The following DEPDC5 variants were observed in gnomAD, a reference collection of about 807,000 sequenced individuals.
DEPDC5 encodes GATOR1 complex protein DEPDC5.
Under a neutral mutation model 217.3 loss-of-function variants are expected in DEPDC5, and 73 were observed. The observed-to-expected ratio is 0.34, with a 90% CI of 0.28 to 0.41. DEPDC5 has a LOEUF of 0.41. DEPDC5 is among the 10% of genes least tolerant of loss of function. The pLI is 1.00. For missense variants in DEPDC5, 1,675 were observed against 2,070.1 expected (o/e 0.81, Z 3.70); for synonymous variants, 733 against 756.7 (o/e 0.97, Z 0.51).
Position 31,815,464 on chromosome 22 carries a change from G to A in DEPDC5, c.1666+252G>A, listed in dbSNP as rs11089530. ...ATGCAATCACAGCTCACCTCAGTGC[G>A]GCCTTGAACTCCTGGACTCAATCGA... On this transcript the variant is annotated intron_variant, in intron 21 of 42. Transcript: ENST00000651528. The A allele has an allele frequency of 0.1, 67,779 of 677,184 alleles. 3,793 individuals carry two copies. The highest frequency in any genetic ancestry group is 0.16 in the Admixed American group (6,437 of 40,612). 41.9% of individuals were successfully genotyped at this position (677,184 alleles called of 1,614,324 possible).
At chr22:31,872,610 A>C (rs1264025593) in intron 34 of DEPDC5, among the ~76,000 whole-genome samples, 1 of 152,234 alleles carries the variant, frequency 6.6e-6, no homozygotes, top group African/African-American at 2.4e-5. Flanking sequence ...GGGCAAACCC[A>C]GAGCAGTCCA....
intron 9 of DEPDC5, 88 bp from the exon 10 acceptor site, chr22:31,784,726 A>G: frequency 7.7e-7 from 1 of 1,291,174 alleles, no homozygotes; most frequent in African/African-American, 1.5e-5. Flanking sequence ...AGAAGAATTT[A>G]CTTAGAGAAG....
At position 31,906,317 on chromosome 22, in the gene DEPDC5, C is replaced by G; in HGVS notation, c.4632C>G (p.Val1544=). 1 of 1,613,972 alleles carries G rather than the reference C, an allele frequency of 6.2e-7. No individual in the cohort carries two copies. The highest frequency in any genetic ancestry group is 8.5e-7 in the Non-Finnish European group (1 of 1,179,930). The change falls in exon 43 of 43, where the codon GTC becomes GTG. Residue 1544 remains valine (V), a synonymous_variant. Coordinates refer to ENST00000651528, the MANE Select transcript of DEPDC5 (RefSeq NM_001242896.3). The surrounding 1 kb of genome is among the most constrained non-coding windows in gnomAD (Gnocchi z 5.1). The part of the protein sequence containing the change: ...TNQNMFCEER[V]GYNWAYNTML... ...AGAACATGTTCTGCGAGGAGCGGGTCGGCTACAACTGGGCCTACAACACCA... is the reference window on the plus strand; with the variant it reads ...AGAACATGTTCTGCGAGGAGCGGGTGGGCTACAACTGGGCCTACAACACCA...
chr22:31,860,499 CGAAAG>C (rs2092469776), intron 32 of DEPDC5, among the ~76,000 whole-genome samples: 1 of 152,034 alleles, frequency 6.6e-6, no homozygotes, highest in Non-Finnish European at 1.5e-5. Flanking sequence ...AAAAAGATTC[CGAAAG>C]GAAAGAGGGT....
intron 37 of DEPDC5, among the ~76,000 whole-genome samples, chr22:31,878,089 A>G (rs1223587888): frequency 6.6e-6 from 1 of 151,882 alleles, no homozygotes; most frequent in Non-Finnish European, 1.5e-5. Flanking sequence ...TGGGAGGCTG[A>G]GGCAGGAGAA....
intron 7 of DEPDC5, among the ~76,000 whole-genome samples, chr22:31,776,495 A>G (rs888418607): frequency 6.7e-6 from 1 of 150,010 alleles, no homozygotes; most frequent in Non-Finnish European, 1.5e-5. Flanking sequence ...CTCAGCTGGG[A>G]TTCTTGCCTA....
At chr22:31,795,065 ATTTTTT>A (rs983604458) in intron 12 of DEPDC5, among the ~76,000 whole-genome samples, 4 of 107,364 alleles carry the variant, frequency 3.7e-5, no homozygotes, top group Admixed American at 3.3e-4. Flanking sequence ...ATTCCATGTG[ATTTTTT>A]TTTTTTTTTT....
chr22:31,856,653 T>C (rs1407643040), intron 31 of DEPDC5, among the ~76,000 whole-genome samples: 1 of 152,182 alleles, frequency 6.6e-6, no homozygotes, highest in Admixed American at 6.5e-5. Context: ...TAATGTCTGT[T>C]AGTTTGGTTT....
intron 26 of DEPDC5, among the ~76,000 whole-genome samples, chr22:31,838,350 A>G (rs1448376584): frequency 1.3e-5 from 2 of 151,982 alleles, no homozygotes; most frequent in African/African-American, 4.8e-5. Flanking sequence ...CAGTGATGCA[A>G]TCTTGGCTCA....
intron 18 of DEPDC5, among the ~76,000 whole-genome samples, chr22:31,807,512 A>T (rs900904267): frequency 2.6e-5 from 4 of 152,158 alleles, no homozygotes; most frequent in Non-Finnish European, 5.9e-5. Flanking sequence ...GCTTACTGCA[A>T]CTTCTGCCTC....
chr22:31,877,212 G>C (rs2093017801), intron 37 of DEPDC5, among the ~76,000 whole-genome samples: 1 of 151,636 alleles, frequency 6.6e-6, no homozygotes, highest in Non-Finnish European at 1.5e-5. Context: ...GAAGCAGGTG[G>C]ATTGCCTGAG....
intron 9 of DEPDC5, chr22:31,784,410 C>T (rs1346574998): frequency 5.1e-6 from 1 of 194,398 alleles, no homozygotes; most frequent in East Asian, 1.5e-4. Flanking sequence ...GGGCGGATCA[C>T]CTGAGGTCAG....
chr22:31,799,112 T>G (rs978326170), intron 14 of DEPDC5, among the ~76,000 whole-genome samples: 1 of 151,730 alleles, frequency 6.6e-6, no homozygotes, highest in Non-Finnish European at 1.5e-5. Context: ...GATGCGATCT[T>G]GGCTCACTGA....
At chr22:31,898,284 C>T (rs1372127122) in intron 40 of DEPDC5, among the ~76,000 whole-genome samples, 2 of 152,132 alleles carry the variant, frequency 1.3e-5, no homozygotes, top group African/African-American at 4.8e-5. Flanking sequence ...GGACCTGCTG[C>T]TCTACCCCAG....
At chr22:31,874,152 G>A in intron 35 of DEPDC5, 121 bp from the exon 36 acceptor site, 1 of 1,398,644 alleles carries the variant, frequency 7.1e-7, no homozygotes, top group Non-Finnish European at 9.7e-7. Flanking sequence ...GAATAGCATA[G>A]GGACATTGCT....
chr22:31,845,294 C>T (rs574931078), intron 30 of DEPDC5, 57 bp downstream of exon 30: 1 of 1,559,722 alleles, frequency 6.4e-7, no homozygotes, highest in East Asian at 2.4e-5. Context: ...GGCCTGCCAC[C>T]TCCTCTATTA....
At chr22:31,778,245 A>C in intron 8 of DEPDC5, 77 bp downstream of exon 8, 2 of 1,463,606 alleles carry the variant, frequency 1.4e-6, no homozygotes, top group Admixed American at 1.7e-5. Context: ...AAAATAAAAC[A>C]AGGGCGGGGC....
At chr22:31,810,805 C>T (rs1398653418) in intron 20 of DEPDC5, 164 bp downstream of exon 20, 17 of 1,145,904 alleles carry the variant, frequency 1.5e-5, no homozygotes, top group Admixed American at 5.3e-5. Context: ...GATGGAGTTT[C>T]GCTCTTGTTG....
chr22:31,813,249 C>CTGCT (rs1476507315), intron 20 of DEPDC5, among the ~76,000 whole-genome samples: 29 of 152,232 alleles, frequency 1.9e-4, no homozygotes, highest in African/African-American at 6.7e-4. Flanking sequence ...TCAGTAAGAG[C>CTGCT]TACTTAGGGG....
Sources: gnomAD v4.1 joint callset for allele counts (sites outside exome capture counted in the v4.1 genomes callset) on GRCh38, gnomAD v4.1.1 for gene constraint, Gnocchi (gnomAD v3.1) non-coding constraint, MANE v1.5 for transcripts, NCBI Gene and HGNC (gene_info 2026-07-23, HGNC 2026-07-21) for gene names.